Variants in ACTN4 observed in about 807,000 individuals in gnomAD.
ACTN4 encodes the protein actinin alpha 4.
Under a neutral mutation model 114.2 loss-of-function variants are expected in ACTN4, and 18 were observed. The observed-to-expected ratio is 0.16, with a 90% CI of 0.11 to 0.23. The LOEUF (loss-of-function observed/expected upper bound fraction) is 0.23, where lower values mean the gene tolerates loss of function less well. ACTN4 is among the 10% of genes least tolerant of loss of function. The pLI is 1.00. For missense variants in ACTN4, 722 were observed against 1,262.9 expected (o/e 0.57, Z 6.49); for synonymous variants, 515 against 506.3 (o/e 1.02, Z -0.23).
intron 1 of ACTN4, among the ~76,000 whole-genome samples, chr19:38,679,421 C>G (rs1293833328): frequency 1.3e-5 from 2 of 152,184 alleles, no homozygotes; most frequent in African/African-American, 4.8e-5. Flanking sequence ...CCCACACACA[C>G]AGACCATATG....
rs12979947 is a variant in ACTN4, at chr19:38,725,563, T to C, written c.2011-161T>C. On this transcript the variant is annotated intron_variant, in intron 16 of 20. Transcript: ENST00000252699. ...AGAGGGCAGGACCGGAGGGGACAGT[T>C]GTGAGCAGTGGGCCTTCCCTCCCAG... Among the ~76,000 whole-genome samples, 8,697 of 152,264 alleles carry C rather than the reference T, an allele frequency of 0.057. 265 individuals carry two copies. Among genetic ancestry groups the C allele is most frequent in the South Asian group, 0.096 (464 of 4,826 alleles).
At chr19:38,706,216 T>C in intron 5 of ACTN4, 85 bp downstream of exon 5, 1 of 1,436,354 alleles carries the variant, frequency 7.0e-7, no homozygotes, top group East Asian at 2.4e-5. Flanking sequence ...TGTGTTTTTG[T>C]CGTGGTCTGT....
chr19:38,695,681 T>C (rs1968069472), intron 1 of ACTN4, among the ~76,000 whole-genome samples: 1 of 152,186 alleles, frequency 6.6e-6, no homozygotes, highest in Admixed American at 6.5e-5. Flanking sequence ...GAGTGGGCTC[T>C]GTCCCTTCTG....
At chr19:38,711,204 C>G in intron 8 of ACTN4, 1 of 792,506 alleles carries the variant, frequency 1.3e-6, no homozygotes, top group East Asian at 1.3e-4. Context: ...AGCCTCAGGC[C>G]GGCCCGGCCG....
chr19:38,709,605 C>A, intron 7 of ACTN4, 129 bp downstream of exon 7: 1 of 801,396 alleles, frequency 1.2e-6, no homozygotes. Flanking sequence ...GCAGAGCCAG[C>A]AAGAAGGGCT....
Position 38,659,065 on chromosome 19 carries a change from C to CTTTTTTTTTTTTTTTTTTTT in ACTN4, c.162+11171_162+11172insTTTTTTTTTTTTTTTTTTTT, listed in dbSNP as rs577141157. ...TAACTTTTTTTTCTTCTTTTCTTTT[C>CTTTTTTTTTTTTTTTTTTTT]TTTTTTTTTTTTTGAGACGGAGTCT... is the stretch of plus-strand genomic sequence containing the variant. On this transcript the variant is annotated intron_variant, in intron 1 of 20. Transcript: ENST00000252699. Among the ~76,000 whole-genome samples the CTTTTTTTTTTTTTTTTTTTT allele has an allele frequency of 3.8e-3, 424 of 111,622 alleles. 7 individuals are homozygous for CTTTTTTTTTTTTTTTTTTTT. The highest frequency in any genetic ancestry group is 5.5e-3 in the Non-Finnish European group (304 of 54,870). 73.2% of individuals were successfully genotyped at this position (111,622 alleles called of 152,430 possible). A position where few individuals can be genotyped will look rare whatever the true frequency, so the allele number is the denominator to read the frequency against.
rs769302064 is a variant in ACTN4, at chr19:38,721,599, C to T, written c.1353C>T (p.Ala451=). Residue 451 remains alanine (A), a synonymous_variant, in exon 12 of 21, where the codon GCC becomes GCT. Coordinates refer to ENST00000252699, the MANE Select transcript of ACTN4 (RefSeq NM_004924.6). The part of the protein sequence containing the change: ...YETATLSDIK[A]LIRKHEAFES... ...CGGCCACACTATCGGACATCAAAGC[C>T]CTCATTCGCAAGCACGAGGCCTTCG... 1.2e-6 allele frequency: 2 copies of T among 1,613,988 alleles called. No homozygotes were observed. The highest frequency in any genetic ancestry group is 1.6e-4 in the Middle Eastern group (1 of 6,084).
rs1195782030 is a variant in ACTN4 at position 38,724,608 on chromosome 19, A to G, written c.2010+43A>G. The G allele has an allele frequency of 2.5e-6, 4 of 1,611,678 alleles. No individual in the cohort carries two copies. Among genetic ancestry groups the G allele is most frequent in the Non-Finnish European group, 2.5e-6 (3 of 1,179,816 alleles). ...CCCACAGAGCTGAGAAGGTTCCAAG[A>G]GAGCTCCCGTAGTGAGGGGGTCCCC... On this transcript the variant is annotated intron_variant, in intron 16 of 20. Coordinates refer to ENST00000252699, the MANE Select transcript of ACTN4 (RefSeq NM_004924.6). The surrounding 1 kb of genome is among the most constrained non-coding windows in gnomAD (Gnocchi z 7.0).
chr19:38,700,504 T>A, intron 1 of ACTN4, 96 bp from the exon 2 acceptor site: 1 of 1,007,296 alleles, frequency 9.9e-7, no homozygotes, highest in Non-Finnish European at 1.6e-6. Context: ...GCAGCTGCGG[T>A]TCTCCTGAGG....
intron 1 of ACTN4, among the ~76,000 whole-genome samples, chr19:38,662,800 G>C (rs1326932308): frequency 6.6e-6 from 1 of 152,092 alleles, no homozygotes; most frequent in Non-Finnish European, 1.5e-5. Context: ...GTCTTGGAGG[G>C]GGAGCTGCCT....
chr19:38,703,817 G>A (rs572852963), intron 3 of ACTN4, among the ~76,000 whole-genome samples: 22 of 152,190 alleles, frequency 1.4e-4, no homozygotes, highest in African/African-American at 5.3e-4. Context: ...TCCTTGGGAC[G>A]GGCAGTCAGG....
At chr19:38,705,077 G>T (rs2145009920) in intron 4 of ACTN4, 57 bp downstream of exon 4, 2 of 1,468,320 alleles carry the variant, frequency 1.4e-6, no homozygotes, top group Non-Finnish European at 1.9e-6. Context: ...GGTTAGAGGA[G>T]AGCTGAAGTG....
At chr19:38,706,013 C>A in intron 4 of ACTN4, 31 bp from the exon 5 acceptor site, 1 of 1,610,156 alleles carries the variant, frequency 6.2e-7, no homozygotes, top group Non-Finnish European at 8.5e-7. Flanking sequence ...TATTTTTGAG[C>A]CAGTGCTCAC....
intron 19 of ACTN4, 147 bp downstream of exon 19, chr19:38,728,173 C>T: frequency 1.5e-6 from 2 of 1,294,068 alleles, no homozygotes; most frequent in Non-Finnish European, 2.2e-6. Flanking sequence ...TCTCCCTGGA[C>T]CCCTTCCCTT....
intron 1 of ACTN4, among the ~76,000 whole-genome samples, chr19:38,665,316 A>C (rs1568682325): frequency 6.6e-6 from 1 of 152,204 alleles, no homozygotes; most frequent in Non-Finnish European, 1.5e-5. Flanking sequence ...GTTAAGCCTC[A>C]GTGTCCTTCT....
rs562885649 is a variant in ACTN4 at position 38,717,445 on chromosome 19, C to T, written c.1143+129C>T. ...TCCTGTGGGACATGGCATGGCCTTT[C>T]GGATGCAGTGGTCGGGGAGGGGTGC... On this transcript the variant is annotated intron_variant, in intron 10 of 20. Coordinates refer to ENST00000252699, the MANE Select transcript of ACTN4 (RefSeq NM_004924.6). This position sits in a 1 kb window ranked among gnomAD's most constrained non-coding sequence, Gnocchi z 4.0. The T allele has an allele frequency of 2.4e-5, 31 of 1,279,818 alleles. No individual in the cohort carries two copies. The highest frequency in any genetic ancestry group is 1.6e-4 in the Admixed American group (8 of 48,568). 79.3% of individuals were successfully genotyped at this position (1,279,818 alleles called of 1,614,324 possible). A position where few individuals can be genotyped will look rare whatever the true frequency, so the allele number is the denominator to read the frequency against.
At chr19:38,704,810 G>A in intron 3 of ACTN4, 124 bp from the exon 4 acceptor site, 2 of 801,790 alleles carry the variant, frequency 2.5e-6, no homozygotes, top group South Asian at 1.4e-5. Context: ...CCTGGGAGAT[G>A]CAACCAGGGG....
intron 1 of ACTN4, among the ~76,000 whole-genome samples, chr19:38,688,538 T>C (rs1333452744): frequency 1.3e-5 from 2 of 150,994 alleles, no homozygotes; most frequent in African/African-American, 4.9e-5. Context: ...GCCATTGCAC[T>C]CCAGCCTGGG....
rs745581636 is a variant in ACTN4 at position 38,705,007 on chromosome 19, C to T, written c.471C>T (p.Asp157=). ...TCATCCTTAGGTTCGCCATCCAGGA[C>T]ATCTCCGTGGAAGGTGACAGCCACC... The part of the protein sequence containing the change: ...WTIILRFAIQ[D]ISVEETSAKE... The change falls in exon 4 of 21, where the codon GAC becomes GAT. Residue 157 remains aspartate, a synonymous_variant. Transcript: ENST00000252699. 2 of 1,614,202 alleles carry T rather than the reference C, an allele frequency of 1.2e-6. No homozygotes were observed. The highest frequency in any genetic ancestry group is 1.6e-4 in the Middle Eastern group (1 of 6,062).
Sources: allele counts gnomAD v4.1 joint callset (sites outside exome capture counted in the v4.1 genomes callset), GRCh38; gene constraint gnomAD v4.1.1; non-coding constraint Gnocchi (gnomAD v3.1); transcripts MANE v1.5; gene names NCBI Gene and HGNC (gene_info 2026-07-23, HGNC 2026-07-21).